ABHD17C: variants seen among roughly 807,000 people sequenced by gnomAD.
The protein encoded by ABHD17C is abhydrolase domain containing 17C, depalmitoylase.
A neutral mutation model predicts 27.9 loss-of-function variants in ABHD17C; 11 were observed. The ratio of observed to expected loss-of-function variants is 0.39; its 90% CI spans 0.25 to 0.65. ABHD17C has a LOEUF of 0.65. Ranked by LOEUF, ABHD17C falls within the 30% of genes least tolerant of loss-of-function variation. The pLI is 0.45. For missense variants in ABHD17C, 280 were observed against 470.2 expected, an observed-to-expected ratio of 0.60 and a Z score of 3.74; for synonymous variants, 233 against 209.1, an observed-to-expected ratio of 1.11 and a Z score of -0.98.
chr15:80,726,231 TC>T (rs1894973159), intron 1 of ABHD17C, among the ~76,000 whole-genome samples: 1 of 152,212 alleles, frequency 6.6e-6, no homozygotes, highest in East Asian at 1.9e-4. Flanking sequence ...GGCCAGGTGT[TC>T]CTTTCCTTGC....
chr15:80,695,544 G>C lies in ABHD17C; in HGVS notation c.115G>C (p.Glu39Gln). The C allele has an allele frequency of 7.4e-7, 1 of 1,352,668 alleles. No individual in the cohort carries two copies. The highest frequency in any genetic ancestry group is 9.6e-7 in the Non-Finnish European group (1 of 1,038,140). The allele number at this position is 1,352,668 out of a possible 1,614,324, so 83.8% of individuals were successfully genotyped here. ...CGCCAAGCTGGCCTTCCTGCCGCCC[G>C]AGCCCACCTACACGGTGCTGGCGCC... ...IAAKLAFLPP[E>Q]PTYTVLAPEQ... Residue 39 changes from glutamate to glutamine, a missense_variant, in exon 1 of 3, where the codon GAG becomes CAG. Around this residue, in one of 2 missense-constraint regions of ABHD17C, gnomAD observed 74 missense variants for 75.5 expected, o/e 0.98. Coordinates refer to ENST00000258884, the MANE Select transcript of ABHD17C (RefSeq NM_021214.2). The surrounding 1 kb of genome is among the most constrained non-coding windows in gnomAD (Gnocchi z 4.3).
chr15:80,695,522 C>A lies in ABHD17C; in HGVS notation c.93C>A (p.Ala31=), dbSNP rs1894480044. The A allele has an allele frequency of 5.8e-6, 8 of 1,375,912 alleles. No individual in the cohort carries two copies. Among genetic ancestry groups the A allele is most frequent in the Non-Finnish European group, 7.6e-6 (8 of 1,052,588 alleles). 85.2% of individuals were successfully genotyped at this position (1,375,912 alleles called of 1,614,324 possible). ...CGCCCTGCCCGAGCCGCATCGCCGCCAAGCTGGCCTTCCTGCCGCCCGAGC... is the reference window on the plus strand; with the variant it reads ...CGCCCTGCCCGAGCCGCATCGCCGCAAAGCTGGCCTTCCTGCCGCCCGAGC... ...CCPPCPSRIA[A]KLAFLPPEPT... The change falls in exon 1 of 3, where the codon GCC becomes GCA. Residue 31 remains alanine (A), a synonymous_variant. Coordinates refer to ENST00000258884, the MANE Select transcript of ABHD17C (RefSeq NM_021214.2). This position sits in a 1 kb window ranked among gnomAD's most constrained non-coding sequence, Gnocchi z 4.3.
At chr15:80,751,642 G>A (rs2141525371) in intron 2 of ABHD17C, among the ~76,000 whole-genome samples, 1 of 152,294 alleles carries the variant, frequency 6.6e-6, no homozygotes, top group South Asian at 2.1e-4. Context: ...CAGCTCCTCA[G>A]GAGGCTGGGG....
At chr15:80,713,134 A>T (rs980632274) in intron 1 of ABHD17C, among the ~76,000 whole-genome samples, 7 of 151,286 alleles carry the variant, frequency 4.6e-5, no homozygotes, top group Admixed American at 3.3e-4. Flanking sequence ...TGTACAAATC[A>T]TAGCTCTCTT....
At chr15:80,735,214 G>T (rs1370756332) in intron 1 of ABHD17C, among the ~76,000 whole-genome samples, 1 of 152,106 alleles carries the variant, frequency 6.6e-6, no homozygotes, top group African/African-American at 2.4e-5. Context: ...AACCTTTTAT[G>T]CCCTGCTTAT....
At chr15:80,708,175 A>C (rs1025660991) in intron 1 of ABHD17C, among the ~76,000 whole-genome samples, 1 of 152,102 alleles carries the variant, frequency 6.6e-6, no homozygotes, top group Admixed American at 6.6e-5. Flanking sequence ...CGTTTCTATT[A>C]CTATTTCCTC....
chr15:80,707,458 T>G (rs1894662558), intron 1 of ABHD17C, among the ~76,000 whole-genome samples: 1 of 152,122 alleles, frequency 6.6e-6, no homozygotes, highest in Non-Finnish European at 1.5e-5. Flanking sequence ...CTTTGGTGGA[T>G]CTAGATCAGA....
chr15:80,711,217 C>T (rs1256335756), intron 1 of ABHD17C, among the ~76,000 whole-genome samples: 2 of 152,034 alleles, frequency 1.3e-5, no homozygotes, highest in African/African-American at 2.4e-5. Flanking sequence ...GTGTTGCCAC[C>T]AGGCCTTTAA....
intron 1 of ABHD17C, among the ~76,000 whole-genome samples, chr15:80,725,854 T>C (rs1319143428): frequency 2.0e-5 from 3 of 152,020 alleles, no homozygotes; most frequent in Non-Finnish European, 2.9e-5. Flanking sequence ...ATATAGGCTA[T>C]TGTTGCTGTG....
At chr15:80,721,869 G>T (rs529772429) in intron 1 of ABHD17C, among the ~76,000 whole-genome samples, 71 of 152,216 alleles carry the variant, frequency 4.7e-4, no homozygotes, top group Middle Eastern at 3.4e-3. Context: ...AGGCCCCCCA[G>T]TGCCAGCATA....
intron 1 of ABHD17C, among the ~76,000 whole-genome samples, chr15:80,735,979 A>G (rs1466226865): frequency 6.6e-6 from 1 of 152,188 alleles, no homozygotes; most frequent in Non-Finnish European, 1.5e-5. Context: ...TTTTATAACC[A>G]CTGTTGAGAG....
At chr15:80,710,905 C>T (rs1301748509) in intron 1 of ABHD17C, among the ~76,000 whole-genome samples, 3 of 152,058 alleles carry the variant, frequency 2.0e-5, no homozygotes, top group South Asian at 2.1e-4. Flanking sequence ...ATGGGGAGGG[C>T]TGTGAGTGGC....
chr15:80,720,078 G>A (rs554386803), intron 1 of ABHD17C, among the ~76,000 whole-genome samples: 1 of 152,316 alleles, frequency 6.6e-6, no homozygotes, highest in South Asian at 2.1e-4. Context: ...GAGATTACAG[G>A]CGTGAGCTAC....
At chr15:80,745,232 A>G (rs1895266695) in intron 1 of ABHD17C, among the ~76,000 whole-genome samples, 1 of 152,160 alleles carries the variant, frequency 6.6e-6, no homozygotes, top group African/African-American at 2.4e-5. Context: ...TGTAATCACT[A>G]TCCTAACTTT....
intron 2 of ABHD17C, among the ~76,000 whole-genome samples, chr15:80,750,171 G>A (rs1395361535): frequency 2.0e-5 from 3 of 152,118 alleles, no homozygotes; most frequent in Admixed American, 1.3e-4. Context: ...TAAGGGAAAA[G>A]GTACCATGCT....
intron 2 of ABHD17C, among the ~76,000 whole-genome samples, chr15:80,752,701 T>C (rs1452560991): frequency 6.6e-6 from 1 of 152,206 alleles, no homozygotes; most frequent in African/African-American, 2.4e-5. Flanking sequence ...GGATCAAATA[T>C]GGAAAGAGAA....
Position 80,740,692 on chromosome 15 carries a change from C to T in ABHD17C, c.591-8821C>T, listed in dbSNP as rs1567037926. Among the ~76,000 whole-genome samples, 3 of 152,244 alleles carry T rather than the reference C, an allele frequency of 2.0e-5. No individual in the cohort carries two copies. The South Asian group carries it at 6.2e-4, about 32-fold the overall frequency. On this transcript the variant is annotated intron_variant, in intron 1 of 2. Transcript: ENST00000258884. ...CATCATTAATATCAAGACGTTTTGT[C>T]CCAATTCCAGTCCTTCTACATAAGT...
intron 1 of ABHD17C, among the ~76,000 whole-genome samples, chr15:80,737,461 T>A (rs1383485095): frequency 2.0e-5 from 3 of 152,216 alleles, no homozygotes; most frequent in Non-Finnish European, 4.4e-5. Flanking sequence ...AGCTTTTGGC[T>A]AGAATCACAT....
rs868275355 is a variant in ABHD17C at position 80,705,854 on chromosome 15, C to G, written c.590+9835C>G. On this transcript the variant is annotated intron_variant, in intron 1 of 2. Coordinates refer to ENST00000258884, the MANE Select transcript of ABHD17C (RefSeq NM_021214.2). ...TTAAATCTGATAGCATTTCATCTAC[C>G]TAGGTGTTTATATGCCCAAGGGAGA... is the stretch of plus-strand genomic sequence containing the variant. Among the ~76,000 whole-genome samples the G allele has an allele frequency of 4.6e-5, 7 of 152,146 alleles. No individual in the cohort carries two copies. In the South Asian group the frequency reaches 1.5e-3, roughly 32 times the overall value.
Sources: gnomAD v4.1 joint callset for allele counts (sites outside exome capture counted in the v4.1 genomes callset) on GRCh38, gnomAD v4.1.1 for gene constraint, gnomAD v4.1.1 regional missense constraint, Gnocchi (gnomAD v3.1) non-coding constraint, MANE v1.5 for transcripts, NCBI Gene and HGNC (gene_info 2026-07-23, HGNC 2026-07-21) for gene names.